TMEM14A: variants seen among roughly 807,000 people sequenced by gnomAD.
TMEM14A encodes the protein transmembrane protein 14A.
A neutral mutation model predicts 11.6 loss-of-function variants in TMEM14A; 8 were observed. The ratio of observed to expected loss-of-function variants is 0.69; its 90% CI spans 0.40 to 1.24. The LOEUF (loss-of-function observed/expected upper bound fraction) is 1.24. Among genes scored for constraint, TMEM14A ranks in the 50% most tolerant of loss-of-function variants. TMEM14A has a pLI of 0.01. For missense variants in TMEM14A, 108 were observed against 121.9 expected, an observed-to-expected ratio of 0.89 and a Z score of 0.54; for synonymous variants, 34 against 45.5, an observed-to-expected ratio of 0.75 and a Z score of 1.02.
At chr6:52,672,735 T>C (rs1272631125) in intron 1 of TMEM14A, among the ~76,000 whole-genome samples, 1 of 152,190 alleles carries the variant, frequency 6.6e-6, no homozygotes, top group African/African-American at 2.4e-5. Flanking sequence ...CTGAAATCTG[T>C]CCACCTTCTC....
intron 2 of TMEM14A, among the ~76,000 whole-genome samples, chr6:52,680,669 G>GTGTGTGTA (rs1769360469): frequency 2.5e-4 from 9 of 35,966 alleles, no homozygotes; most frequent in South Asian, 1.2e-3. Context: ...ATATATATGT[G>GTGTGTGTA]TATATATATA....
chr6:52,673,232 A>G (rs931923699), intron 1 of TMEM14A, among the ~76,000 whole-genome samples: 11 of 152,152 alleles, frequency 7.2e-5, no homozygotes, highest in Admixed American at 2.6e-4. Context: ...TTTCTGAACT[A>G]GGGAACCCAG....
At position 52,677,113 on chromosome 6, in the gene TMEM14A, T is replaced by G; in HGVS notation, c.11T>G (p.Ile4Ser). 6.2e-7 allele frequency: 1 copy of G among 1,614,230 alleles called. No individual in the cohort carries two copies. Among genetic ancestry groups the G allele is most frequent in the East Asian group, 2.2e-5 (1 of 44,890 alleles). Residue 4 changes from isoleucine (I) to serine (S), a missense_variant, in exon 2 of 5, where the codon ATC becomes AGC. Physicochemically the swap from Ile to Ser is moderately radical, Grantham distance 142. Coordinates refer to ENST00000211314, the MANE Select transcript of TMEM14A (RefSeq NM_014051.4). ...ATTGCAACCTTGCCAATGGACCTGA[T>G]CGGTTTTGGTTATGCAGCCCTCGTG... MDL[I>S]GFGYAALVTF...
At chr6:52,675,885 C>T (rs1019327305) in intron 1 of TMEM14A, among the ~76,000 whole-genome samples, 5 of 152,158 alleles carry the variant, frequency 3.3e-5, no homozygotes, top group South Asian at 2.1e-4. Context: ...GCATTTGCTC[C>T]AGATCACTTT....
chr6:52,681,997 C>A, intron 3 of TMEM14A, 83 bp downstream of exon 3: 1 of 1,128,174 alleles, frequency 8.9e-7, no homozygotes, highest in Non-Finnish European at 1.3e-6. Flanking sequence ...TATACTAGAA[C>A]ATATTTAGTC....
At position 52,686,107 on chromosome 6, in the gene TMEM14A, A is replaced by T. The variant is rs2127266702; in HGVS notation, c.*58A>T. 3 of 1,494,876 alleles carry T rather than the reference A, an allele frequency of 2.0e-6. No individual in the cohort carries two copies. Among genetic ancestry groups the T allele is most frequent in the South Asian group, 2.6e-5 (2 of 76,682 alleles). The allele number at this position is 1,494,876 out of a possible 1,614,324, so 92.6% of individuals were successfully genotyped here. On this transcript the variant is annotated 3_prime_UTR_variant, in exon 5 of 5. Transcript: ENST00000211314. ...CATCCTGCTGTAATGGGCAGAGCAT[A>T]TTTTTTTTGTATTTAAAAGATAAAC...
At chr6:52,683,664 T>G (rs1344201025) in intron 3 of TMEM14A, among the ~76,000 whole-genome samples, 3 of 151,778 alleles carry the variant, frequency 2.0e-5, no homozygotes, top group Non-Finnish European at 2.9e-5. Flanking sequence ...CAGTCTGGAG[T>G]GCAGTGGCGT....
At chr6:52,678,938 G>C (rs1769312661) in intron 2 of TMEM14A, among the ~76,000 whole-genome samples, 1 of 152,182 alleles carries the variant, frequency 6.6e-6, no homozygotes, top group South Asian at 2.1e-4. Flanking sequence ...TGTGTAAAGT[G>C]AGTTAACTCT....
At chr6:52,680,128 G>A (rs908951977) in intron 2 of TMEM14A, among the ~76,000 whole-genome samples, 10 of 151,846 alleles carry the variant, frequency 6.6e-5, no homozygotes, top group African/African-American at 2.4e-4. Flanking sequence ...AACAGCAATC[G>A]CTCACAAGTG....
intron 2 of TMEM14A, among the ~76,000 whole-genome samples, chr6:52,680,704 T>TATATATATATATATATACATACACAC (rs371102796): frequency 3.9e-5 from 2 of 51,100 alleles, no homozygotes; most frequent in Non-Finnish European, 8.8e-5. Flanking sequence ...TATATATATA[T>TATATATATATATATATACATACACAC]ACACATATAT....
At chr6:52,679,032 C>T (rs891544611) in intron 2 of TMEM14A, among the ~76,000 whole-genome samples, 5 of 152,154 alleles carry the variant, frequency 3.3e-5, no homozygotes, top group African/African-American at 1.2e-4. Context: ...TGAGAATAAT[C>T]TTGGGTCGGT....
At chr6:52,678,027 C>A (rs1490837830) in intron 2 of TMEM14A, among the ~76,000 whole-genome samples, 1 of 151,586 alleles carries the variant, frequency 6.6e-6, no homozygotes, top group South Asian at 2.1e-4. Context: ...GATTTTTGTT[C>A]GTTGTTTCTG....
intron 1 of TMEM14A, among the ~76,000 whole-genome samples, chr6:52,673,989 G>T (rs1021959319): frequency 6.6e-6 from 1 of 152,206 alleles, no homozygotes; most frequent in East Asian, 1.9e-4. Context: ...TGAGTGCTCA[G>T]TATGTGCAGG....
chr6:52,679,501 C>T lies in TMEM14A; in HGVS notation c.71-2312C>T, dbSNP rs144598375. 2.4e-3 allele frequency among the ~76,000 whole-genome samples: 368 copies of T among 152,254 alleles called. 3 individuals are homozygous for T. Among genetic ancestry groups the T allele is most frequent in the African/African-American group, 8.5e-3 (355 of 41,532 alleles). On this transcript the variant is annotated intron_variant, in intron 2 of 4. Coordinates refer to ENST00000211314, the MANE Select transcript of TMEM14A (RefSeq NM_014051.4). ...TGCTATTTGGACGACCATAAGAGCACCTGCAGGGAAGCTCCCAGATGCATC... is the reference window on the plus strand; with the variant it reads ...TGCTATTTGGACGACCATAAGAGCATCTGCAGGGAAGCTCCCAGATGCATC...
At chr6:52,673,802 C>T (rs58985840) in intron 1 of TMEM14A, among the ~76,000 whole-genome samples, 6,505 of 152,160 alleles carry the variant, frequency 0.043, 442 homozygotes, top group African/African-American at 0.15. Flanking sequence ...GCTGTTAAGT[C>T]GAATTGACTA....
chr6:52,684,258 A>C, intron 4 of TMEM14A, 93 bp downstream of exon 4: 1 of 1,169,744 alleles, frequency 8.5e-7, no homozygotes, highest in Non-Finnish European at 1.2e-6. Context: ...GAAAGATCAA[A>C]GTCCTTTTTG....
intron 1 of TMEM14A, among the ~76,000 whole-genome samples, chr6:52,676,699 G>T (rs1168221679): frequency 6.6e-6 from 1 of 152,098 alleles, no homozygotes; most frequent in Non-Finnish European, 1.5e-5. Context: ...CTCAACTTCC[G>T]CAGGCTGTAC....
intron 2 of TMEM14A, among the ~76,000 whole-genome samples, chr6:52,680,706 C>CATATATGT (rs1397954310): frequency 2.5e-4 from 6 of 24,480 alleles, no homozygotes; most frequent in East Asian, 1.4e-3. Flanking sequence ...TATATATATA[C>CATATATGT]ACATATATAT....
chr6:52,674,968 G>T (rs889087126), intron 1 of TMEM14A, among the ~76,000 whole-genome samples: 3 of 149,490 alleles, frequency 2.0e-5, no homozygotes, highest in African/African-American at 7.5e-5. Flanking sequence ...CCTCTGCCTC[G>T]CAGGTTCAAG....
Sources: allele counts gnomAD v4.1 joint callset (sites outside exome capture counted in the v4.1 genomes callset), GRCh38; gene constraint gnomAD v4.1.1; transcripts MANE v1.5; gene names NCBI Gene and HGNC (gene_info 2026-07-23, HGNC 2026-07-21).